Variants in AGMO observed in about 807,000 individuals in gnomAD.
AGMO encodes alkylglycerol monooxygenase, also known as glyceryl-ether monooxygenase.
AGMO carries 75 observed loss-of-function variants against 60.2 expected under a neutral mutation model. The ratio of observed to expected loss-of-function variants is 1.25; its 90% CI spans 1.03 to 1.51. AGMO has a LOEUF of 1.51. Among genes scored for constraint, AGMO ranks in the 40% most tolerant of loss-of-function variants. The pLI is 0.00. For missense variants in AGMO, 763 were observed against 525.5 expected (o/e 1.45, Z -4.42); for synonymous variants, 261 against 177.1 (o/e 1.47, Z -3.76).
chr7:15,498,704 T>A (rs1783299850), intron 3 of AGMO, among the ~76,000 whole-genome samples: 2 of 151,966 alleles, frequency 1.3e-5, no homozygotes, highest in Admixed American at 1.3e-4. Context: ...AGAAAATGCG[T>A]TTTGATTTAC....
intron 12 of AGMO, among the ~76,000 whole-genome samples, chr7:15,235,682 T>C (rs775077863): frequency 6.6e-6 from 1 of 152,272 alleles, no homozygotes; most frequent in South Asian, 2.1e-4. Flanking sequence ...GGGATTGTTA[T>C]AGCCACTAAT....
chr7:15,328,482 G>A (rs1273419595), intron 12 of AGMO, among the ~76,000 whole-genome samples: 1 of 152,122 alleles, frequency 6.6e-6, no homozygotes, highest in Non-Finnish European at 1.5e-5. Flanking sequence ...CTTCCCATAG[G>A]AGCTGTGTTA....
chr7:15,365,380 T>TTAAAAAAAAAAAAAAAAAAAAAAAAAAA lies in AGMO; in HGVS notation c.1263+133_1263+134insTTTTTTTTTTTTTTTTTTTTTTTTTTTA, dbSNP rs1311387207. Reference sequence around the variant, plus strand: ...GACACAACTAACAAGTACTGGTAAGTAAAAAAAAAAAAAAAGATCAAGATT... The same window carrying TTAAAAAAAAAAAAAAAAAAAAAAAAAAA: ...GACACAACTAACAAGTACTGGTAAGTTAAAAAAAAAAAAAAAAAAAAAAAAAAAAAAAAAAAAAAAAAAGATCAAGATT... On this transcript the variant is annotated intron_variant, in intron 12 of 12. Coordinates refer to ENST00000342526, the MANE Select transcript of AGMO (RefSeq NM_001004320.2). The TTAAAAAAAAAAAAAAAAAAAAAAAAAAA allele has an allele frequency of 3.8e-5, 8 of 210,466 alleles. 1 individual carries two copies. The African/African-American group carries it at 4.7e-4, about 12-fold the overall frequency. The allele number at this position is 210,466 out of a possible 1,614,324, so 13.0% of individuals were successfully genotyped here.
chr7:15,367,284 A>G (rs866803597), intron 10 of AGMO, among the ~76,000 whole-genome samples: 2 of 151,918 alleles, frequency 1.3e-5, no homozygotes, highest in African/African-American at 4.8e-5. Flanking sequence ...AATCATTGTA[A>G]CAAAACATTT....
rs569432475 is a variant in AGMO at position 15,387,639 on chromosome 7, C to A, written c.823-99G>T. 2.0e-4 allele frequency: 220 copies of A among 1,088,342 alleles called. 1 individual carries two copies. The Middle Eastern group carries it at 7.7e-3, about 38-fold the overall frequency. 67.4% of individuals were successfully genotyped at this position (1,088,342 alleles called of 1,614,324 possible). A position where few individuals can be genotyped will look rare whatever the true frequency, so the allele number is the denominator to read the frequency against. On this transcript the variant is annotated intron_variant, in intron 8 of 12. Transcript: ENST00000342526. ...TTATTTTATTGTTCAAGGTAATTTA[C>A]GTATTTAAAACGTTATGCCTGATTA... is the stretch of plus-strand genomic sequence containing the variant.
chr7:15,520,737 G>A (rs1392386341), intron 3 of AGMO, among the ~76,000 whole-genome samples: 1 of 152,026 alleles, frequency 6.6e-6, no homozygotes, highest in Non-Finnish European at 1.5e-5. Context: ...AATGCCCATA[G>A]GAGAAAGTAT....
Position 15,544,321 on chromosome 7 carries a change from A to G in AGMO, c.409+451T>C, listed in dbSNP as rs1269026991. ...CAGTCTCGGAAATCAAAACTGAAGAACTTATTCATGTAACCAAACACCACT... is the reference window on the plus strand; with the variant it reads ...CAGTCTCGGAAATCAAAACTGAAGAGCTTATTCATGTAACCAAACACCACT... On this transcript the variant is annotated intron_variant, in intron 3 of 12. Coordinates refer to ENST00000342526, the MANE Select transcript of AGMO (RefSeq NM_001004320.2). 2.6e-5 allele frequency among the ~76,000 whole-genome samples: 4 copies of G among 152,094 alleles called. No individual in the cohort carries two copies. In the East Asian group the frequency reaches 7.7e-4, roughly 29 times the overall value.
rs556520007 is a variant in AGMO at position 15,536,273 on chromosome 7, T to G, written c.409+8499A>C. ...AGTTAATAAGTGTCAGTACAAAGAG[T>G]TGAACTCAGGGAACTTGGCTCCAGA... On this transcript the variant is annotated intron_variant, in intron 3 of 12. Coordinates refer to ENST00000342526, the MANE Select transcript of AGMO (RefSeq NM_001004320.2). Among the ~76,000 whole-genome samples the G allele has an allele frequency of 1.1e-3, 163 of 151,824 alleles. 1 individual carries two copies. Among genetic ancestry groups the G allele is most frequent in the African/African-American group, 3.8e-3 (158 of 41,466 alleles).
At chr7:15,523,623 G>T (rs1208508855) in intron 3 of AGMO, among the ~76,000 whole-genome samples, 1 of 152,106 alleles carries the variant, frequency 6.6e-6, no homozygotes. Context: ...ATAAGTAGGA[G>T]TCGAACAATG....
the AGMO span, among the ~76,000 whole-genome samples, chr7:15,132,577 G>T: frequency 1.3e-5 from 2 of 152,110 alleles, no homozygotes; most frequent in Admixed American, 1.3e-4. Context: ...TCTTGTTAGT[G>T]ACAGGGAAAT....
At chr7:15,305,798 T>C (rs1404810542) in intron 12 of AGMO, among the ~76,000 whole-genome samples, 1 of 151,966 alleles carries the variant, frequency 6.6e-6, no homozygotes, top group Admixed American at 6.6e-5. Flanking sequence ...GAAGATTCTG[T>C]GAACTGTACT....
intron 12 of AGMO, among the ~76,000 whole-genome samples, chr7:15,302,362 A>T (rs1360709299): frequency 6.6e-6 from 1 of 152,178 alleles, no homozygotes; most frequent in Non-Finnish European, 1.5e-5. Flanking sequence ...TTCAAAAATT[A>T]TATTGGTTAT....
chr7:15,418,678 T>A (rs769446617), intron 4 of AGMO, 25 bp from the exon 5 acceptor site: 5 of 1,355,278 alleles, frequency 3.7e-6, no homozygotes, highest in Admixed American at 2.3e-5. Context: ...TAAAAAAAAA[T>A]TAATTTGCAT....
the AGMO span, among the ~76,000 whole-genome samples, chr7:15,153,220 T>G: frequency 6.6e-6 from 1 of 152,012 alleles, no homozygotes; most frequent in Admixed American, 6.6e-5. Context: ...TTGTTTAAAC[T>G]CTTTGTAGAT....
At chr7:15,478,578 T>G (rs1433853702) in intron 3 of AGMO, among the ~76,000 whole-genome samples, 3 of 152,126 alleles carry the variant, frequency 2.0e-5, no homozygotes, top group South Asian at 4.1e-4. Flanking sequence ...ACATCAGATC[T>G]TGTCATTAGC....
intron 12 of AGMO, among the ~76,000 whole-genome samples, chr7:15,311,794 G>C (rs553753366): frequency 2.6e-5 from 4 of 152,236 alleles, no homozygotes; most frequent in Non-Finnish European, 4.4e-5. Flanking sequence ...GAAATTATCA[G>C]ACATATATTC....
intron 12 of AGMO, among the ~76,000 whole-genome samples, chr7:15,319,898 A>G (rs1263382036): frequency 6.6e-6 from 1 of 152,166 alleles, no homozygotes; most frequent in Admixed American, 6.6e-5. Context: ...AGGATTATCT[A>G]GATAGTATAA....
At chr7:15,342,166 CAG>C (rs1350092432) in intron 12 of AGMO, among the ~76,000 whole-genome samples, 4 of 52,740 alleles carry the variant, frequency 7.6e-5, no homozygotes, top group African/African-American at 5.7e-4. Context: ...TAGATACCCA[CAG>C]AGTTAAAAAA....
rs536648488 is a variant in AGMO at position 15,394,235 on chromosome 7, T to C, written c.610-56A>G. 930 of 1,237,512 alleles carry C rather than the reference T, an allele frequency of 7.5e-4. 23 individuals are homozygous for C. The South Asian group carries it at 9.8e-3, about 13-fold the overall frequency. The allele number at this position is 1,237,512 out of a possible 1,614,324, so 76.7% of individuals were successfully genotyped here. On this transcript the variant is annotated intron_variant, in intron 5 of 12. Transcript: ENST00000342526. ...GTAGTTATCATTAAATGTGTGTTAG[T>C]ATATAAATGCTCACATTAGAAACTC...
Sources: gnomAD v4.1 joint callset for allele counts (sites outside exome capture counted in the v4.1 genomes callset) on GRCh38, gnomAD v4.1.1 for gene constraint, MANE v1.5 for transcripts, NCBI Gene and HGNC (gene_info 2026-07-23, HGNC 2026-07-21) for gene names.